Variants in DLGAP1 observed in about 807,000 individuals in gnomAD.
DLGAP1 encodes the protein disks large-associated protein 1.
DLGAP1 carries 11 observed loss-of-function variants against 90.8 expected under a neutral mutation model. That is an observed-to-expected ratio of 0.12 (90% CI 0.08 to 0.20). The LOEUF (loss-of-function observed/expected upper bound fraction) is 0.20. Among genes scored for constraint, DLGAP1 ranks in the 10% least tolerant of loss-of-function variants. The probability of loss-of-function intolerance (pLI) is 1.00; values close to 1 mark genes in which losing one functional copy is unlikely to be tolerated. For synonymous variants in DLGAP1, 558 were observed against 540.7 expected, an observed-to-expected ratio of 1.03 and a Z score of -0.44; for missense variants, 1,050 against 1,333.8, an observed-to-expected ratio of 0.79 and a Z score of 3.31.
intron 1 of DLGAP1, among the ~76,000 whole-genome samples, chr18:4,228,859 T>A (rs904220828): frequency 1.3e-5 from 2 of 151,648 alleles, no homozygotes; most frequent in African/African-American, 4.8e-5. Flanking sequence ...ACAAAAAAAA[T>A]TTTAAAAAAA....
intron 3 of DLGAP1, among the ~76,000 whole-genome samples, chr18:3,890,473 C>T (rs1343305382): frequency 6.6e-6 from 1 of 152,160 alleles, no homozygotes; most frequent in Admixed American, 6.6e-5. Context: ...TCAAACACTG[C>T]CCCTTCCTTC....
At chr18:3,611,484 G>A (rs74544827) in intron 7 of DLGAP1, among the ~76,000 whole-genome samples, 4,206 of 152,152 alleles carry the variant, frequency 0.028, 96 homozygotes, top group East Asian at 0.074. Context: ...GATTCCCTAC[G>A]TTCTAGTTAG....
At chr18:4,425,983 C>T (rs2083143563) in intron 1 of DLGAP1, among the ~76,000 whole-genome samples, 1 of 152,156 alleles carries the variant, frequency 6.6e-6, no homozygotes, top group African/African-American at 2.4e-5. Context: ...TAGTGATTCA[C>T]ATTGTGCAGG....
In DLGAP1 at chr18:4,005,120, C is replaced by A. The variant is rs2074276430; in HGVS notation, c.-77G>T. 6.6e-6 allele frequency: 1 copy of A among 152,138 alleles called. No individual in the cohort carries two copies. Among genetic ancestry groups the A allele is most frequent in the Admixed American group, 6.5e-5 (1 of 15,270 alleles). 9.4% of individuals were successfully genotyped at this position (152,138 alleles called of 1,614,324 possible). A position where few individuals can be genotyped will look rare whatever the true frequency, so the allele number is the denominator to read the frequency against. Reference sequence around the variant, plus strand: ...TGCTTCCCAACCATGACTTACTGTTCTTAGCGCCGTTGTCATTCAATCAGG... The same window carrying A: ...TGCTTCCCAACCATGACTTACTGTTATTAGCGCCGTTGTCATTCAATCAGG... On this transcript the variant is annotated 5_prime_UTR_variant, in exon 3 of 13. Coordinates refer to ENST00000315677, the MANE Select transcript of DLGAP1 (RefSeq NM_004746.4).
At chr18:4,041,145 T>C (rs1295591128) in intron 2 of DLGAP1, among the ~76,000 whole-genome samples, 1 of 152,232 alleles carries the variant, frequency 6.6e-6, no homozygotes, top group Non-Finnish European at 1.5e-5. Flanking sequence ...GGCAAGAACC[T>C]CAATTACTTT....
chr18:4,182,412 A>G (rs1413336472), intron 1 of DLGAP1, among the ~76,000 whole-genome samples: 1 of 152,186 alleles, frequency 6.6e-6, no homozygotes, highest in African/African-American at 2.4e-5. Context: ...TACGTTAGCA[A>G]GCTTTGCAAA....
chr18:3,983,468 C>T (rs1459475634), intron 3 of DLGAP1: 1 of 152,166 alleles, frequency 6.6e-6, no homozygotes, highest in Non-Finnish European at 1.5e-5. Flanking sequence ...TGCCAGCTCA[C>T]ACTAGTTGTT....
intron 3 of DLGAP1, among the ~76,000 whole-genome samples, chr18:3,914,037 AATTTT>A (rs938723483): frequency 6.6e-6 from 1 of 151,118 alleles, no homozygotes; most frequent in African/African-American, 2.5e-5. Flanking sequence ...CACCATAGGT[AATTTT>A]ATTTTATTTT....
chr18:4,387,487 AT>A (rs1340058199), intron 1 of DLGAP1, among the ~76,000 whole-genome samples: 8 of 152,214 alleles, frequency 5.3e-5, no homozygotes, highest in African/African-American at 1.4e-4. Context: ...CATGACTATT[AT>A]GCTGCTTATT....
At chr18:3,577,530 A>G (rs916308520) in intron 8 of DLGAP1, among the ~76,000 whole-genome samples, 4 of 152,232 alleles carry the variant, frequency 2.6e-5, no homozygotes, top group South Asian at 2.1e-4. Flanking sequence ...AAACTATCCA[A>G]TGAAATTTGT....
intron 2 of DLGAP1, among the ~76,000 whole-genome samples, chr18:4,073,676 T>C (rs961167207): frequency 6.6e-6 from 1 of 152,194 alleles, no homozygotes; most frequent in Non-Finnish European, 1.5e-5. Flanking sequence ...GAAACTTGAT[T>C]AATTTCCAAT....
At chr18:4,030,205 C>A (rs768726048) in intron 2 of DLGAP1, among the ~76,000 whole-genome samples, 14 of 152,266 alleles carry the variant, frequency 9.2e-5, no homozygotes, top group Non-Finnish European at 1.8e-4. Context: ...GTTGGTCAGG[C>A]TGGTCTCAAA....
intron 1 of DLGAP1, among the ~76,000 whole-genome samples, chr18:4,206,386 C>T (rs2077720576): frequency 6.6e-6 from 1 of 152,032 alleles, no homozygotes; most frequent in Non-Finnish European, 1.5e-5. Flanking sequence ...TTTTTCACTC[C>T]ATTTTGCTAC....
chr18:4,263,235 C>G (rs1427018253), intron 1 of DLGAP1, among the ~76,000 whole-genome samples: 1 of 152,128 alleles, frequency 6.6e-6, no homozygotes, highest in African/African-American at 2.4e-5. Flanking sequence ...CCGGGCCTGC[C>G]TTCTATTATT....
chr18:4,097,758 C>T lies in DLGAP1; in HGVS notation c.-159+53422G>A, dbSNP rs541517453. Among the ~76,000 whole-genome samples, 81 of 152,282 alleles carry T rather than the reference C, an allele frequency of 5.3e-4. No homozygotes were observed. In the South Asian group the frequency reaches 5.4e-3, roughly 10 times the overall value. ...CTAAAAACAAAAGTTTTAAATGTTTCGACAAAAATATTCAGATAGATATAC... is the reference window on the plus strand; with the variant it reads ...CTAAAAACAAAAGTTTTAAATGTTTTGACAAAAATATTCAGATAGATATAC... On this transcript the variant is annotated intron_variant, in intron 2 of 12. Transcript: ENST00000315677.
chr18:4,282,350 C>T lies in DLGAP1; in HGVS notation c.-266-131063G>A, dbSNP rs1366479375. Among the ~76,000 whole-genome samples the T allele has an allele frequency of 5.9e-4, 80 of 135,004 alleles. 1 individual carries two copies. The highest frequency in any genetic ancestry group is 2.1e-3 in the African/African-American group (71 of 33,170). The allele number at this position is 135,004 out of a possible 152,430, so 88.6% of individuals were successfully genotyped here. A position where few individuals can be genotyped will look rare whatever the true frequency, so the allele number is the denominator to read the frequency against. On this transcript the variant is annotated intron_variant, in intron 1 of 12. Coordinates refer to ENST00000315677, the MANE Select transcript of DLGAP1 (RefSeq NM_004746.4). ...CTGCATTCCAACCTGGGCAACAAAGCGAGACTCTGTCTCAAAAAAAAAAAA... is the reference window on the plus strand; with the variant it reads ...CTGCATTCCAACCTGGGCAACAAAGTGAGACTCTGTCTCAAAAAAAAAAAA...
chr18:3,499,551 G>A lies in DLGAP1; in HGVS notation c.2725-157C>T, dbSNP rs915006420. ...ATCTACTTTTTTCTTCATTATTCTGGCTTGGGCATTCAAAAGATGCAGAAA... is the reference window on the plus strand; with the variant it reads ...ATCTACTTTTTTCTTCATTATTCTGACTTGGGCATTCAAAAGATGCAGAAA... On this transcript the variant is annotated intron_variant, in intron 12 of 12. Coordinates refer to ENST00000315677, the MANE Select transcript of DLGAP1 (RefSeq NM_004746.4). This position sits in a 1 kb window ranked among gnomAD's most constrained non-coding sequence, Gnocchi z 6.4. Among the ~76,000 whole-genome samples, 3 of 151,332 alleles carry A rather than the reference G, an allele frequency of 2.0e-5. No homozygotes were observed. Among genetic ancestry groups the A allele is most frequent in the Non-Finnish European group, 4.4e-5 (3 of 67,904 alleles).
chr18:4,426,161 G>A lies in DLGAP1; in HGVS notation c.-267+28845C>T, dbSNP rs1274117090. 3.3e-5 allele frequency among the ~76,000 whole-genome samples: 5 copies of A among 152,268 alleles called. No individual in the cohort carries two copies. The East Asian group carries it at 5.8e-4, about 18-fold the overall frequency. On this transcript the variant is annotated intron_variant, in intron 1 of 12. Transcript: ENST00000315677. ...GGTAGTGATGTAGTTCTGTTTCAGC[G>A]TTCAGACATTCCATGTGCACAAGAG...
At chr18:3,702,361 T>C (rs1259761721) in intron 7 of DLGAP1, among the ~76,000 whole-genome samples, 3 of 152,248 alleles carry the variant, frequency 2.0e-5, no homozygotes, top group Non-Finnish European at 2.9e-5. Context: ...GTGTGCTTCA[T>C]GGTGCTCAAT....
Sources: allele counts gnomAD v4.1 joint callset (sites outside exome capture counted in the v4.1 genomes callset), GRCh38; gene constraint gnomAD v4.1.1; non-coding constraint Gnocchi (gnomAD v3.1); transcripts MANE v1.5; gene names NCBI Gene and HGNC (gene_info 2026-07-23, HGNC 2026-07-21).